Variants in MTMR7 observed in about 807,000 individuals in gnomAD.
MTMR7 encodes the protein myotubularin related protein 7, also known as phosphatidylinositol-3-phosphate phosphatase MTMR7.
A neutral mutation model predicts 81.2 loss-of-function variants in MTMR7; 76 were observed. The observed-to-expected ratio is 0.94, with a 90% confidence interval of 0.78 to 1.13. MTMR7 has a LOEUF of 1.13. Ranked by LOEUF, MTMR7 falls within the 50% of genes most tolerant of loss-of-function variation. MTMR7 has a pLI of 0.00. For synonymous variants in MTMR7, 372 were observed against 289.8 expected, an observed-to-expected ratio of 1.28 and a Z score of -2.88; for missense variants, 1,044 against 820.0, an observed-to-expected ratio of 1.27 and a Z score of -3.34.
intron 7 of MTMR7, among the ~76,000 whole-genome samples, chr8:17,319,454 C>T (rs935541887): frequency 3.3e-5 from 5 of 152,124 alleles, no homozygotes; most frequent in African/African-American, 7.2e-5. Flanking sequence ...AGTTAAGGCA[C>T]GAAGTGATCA....
intron 10 of MTMR7, 21 bp from the exon 11 acceptor site, chr8:17,305,978 G>C: frequency 6.4e-7 from 1 of 1,573,384 alleles, no homozygotes. Context: ...AAGCATTAGA[G>C]ACTTTTTAAG....
chr8:17,403,777 G>C (rs1252708088), intron 1 of MTMR7, among the ~76,000 whole-genome samples: 1 of 151,414 alleles, frequency 6.6e-6, no homozygotes, highest in Admixed American at 6.6e-5. Flanking sequence ...GCCTTTTATA[G>C]ATCTTTTACT....
At chr8:17,359,818 G>A (rs898340415) in intron 4 of MTMR7, among the ~76,000 whole-genome samples, 2 of 152,060 alleles carry the variant, frequency 1.3e-5, no homozygotes, top group African/African-American at 2.4e-5. Flanking sequence ...CTCTTTACTG[G>A]TGAGGGTATA....
chr8:17,352,936 T>G (rs1819771740), intron 4 of MTMR7, among the ~76,000 whole-genome samples: 1 of 152,144 alleles, frequency 6.6e-6, no homozygotes, highest in Admixed American at 6.6e-5. Context: ...TCCAGCAATC[T>G]CACTTCTGGA....
rs201434781 is a variant in MTMR7 at position 17,312,808 on chromosome 8, T to TA, written c.975+483dup. Reference sequence around the variant, plus strand: ...TATAAATCCAAGGTATTTATTTCTTTAAAAAAAACTGAACAACACAAAAGA... The same window carrying TA: ...TATAAATCCAAGGTATTTATTTCTTTAAAAAAAAACTGAACAACACAAAAGA... On this transcript the variant is annotated intron_variant, in intron 8 of 13. Coordinates refer to ENST00000180173, the MANE Select transcript of MTMR7 (RefSeq NM_004686.5). Among the ~76,000 whole-genome samples, 183 of 152,040 alleles carry TA rather than the reference T, an allele frequency of 1.2e-3. 1 individual carries two copies. The highest frequency in any genetic ancestry group is 9.8e-3 in the Admixed American group (150 of 15,270).
intron 10 of MTMR7, among the ~76,000 whole-genome samples, chr8:17,309,046 C>T (rs1449106370): frequency 6.6e-6 from 1 of 152,218 alleles, no homozygotes; most frequent in Non-Finnish European, 1.5e-5. Context: ...CAAGCATTCT[C>T]TGTCTCTTCT....
At chr8:17,413,184 A>T in intron 1 of MTMR7, 85 bp downstream of exon 1, 2 of 1,456,550 alleles carry the variant, frequency 1.4e-6, no homozygotes, top group East Asian at 2.5e-5. Context: ...CCCTCAAAGC[A>T]GTCGGCCTCC....
intron 4 of MTMR7, among the ~76,000 whole-genome samples, chr8:17,350,255 T>C (rs181117242): frequency 4.4e-4 from 67 of 152,324 alleles, no homozygotes; most frequent in African/African-American, 1.5e-3. Context: ...AGGGGTGTAC[T>C]AGTCCATTTT....
chr8:17,402,727 G>A (rs1821464408), intron 1 of MTMR7, among the ~76,000 whole-genome samples: 1 of 152,192 alleles, frequency 6.6e-6, no homozygotes, highest in African/African-American at 2.4e-5. Context: ...AAGCATGGGA[G>A]CACAGGTATC....
chr8:17,411,535 T>G (rs989749609), intron 1 of MTMR7, among the ~76,000 whole-genome samples: 2 of 152,206 alleles, frequency 1.3e-5, no homozygotes, highest in Non-Finnish European at 2.9e-5. Flanking sequence ...ATGAATCCGA[T>G]CCATCCAACC....
chr8:17,370,128 GTT>G (rs201807333), intron 3 of MTMR7, among the ~76,000 whole-genome samples: 3 of 141,964 alleles, frequency 2.1e-5, no homozygotes, highest in African/African-American at 5.1e-5. Context: ...ACCACATTAA[GTT>G]TTTTTTTTTT....
chr8:17,331,250 T>G lies in MTMR7; in HGVS notation c.765A>C (p.Lys255Asn), dbSNP rs753738180. Residue 255 changes from lysine (K) to asparagine (N), a missense_variant, in exon 7 of 14, where the codon AAA becomes AAC. Physicochemically the swap from Lys to Asn is moderately conservative, Grantham distance 94 (BLOSUM62 0). Coordinates refer to ENST00000180173, the MANE Select transcript of MTMR7 (RefSeq NM_004686.5). Reference protein sequence around the residue: ...LNAMANRAAGKGYENEDNYSN... With the variant: ...LNAMANRAAGNGYENEDNYSN... ...AATAATTGTCTTCATTCTCATAGCC[T>G]TTCCCTGCAGCACGATTTGCCATTG... 1 of 1,610,812 alleles carries G rather than the reference T, an allele frequency of 6.2e-7. No homozygotes were observed. Among genetic ancestry groups the G allele is most frequent in the Non-Finnish European group, 8.5e-7 (1 of 1,178,914 alleles).
At chr8:17,358,741 G>C (rs776327294) in intron 4 of MTMR7, among the ~76,000 whole-genome samples, 5 of 152,052 alleles carry the variant, frequency 3.3e-5, no homozygotes, top group Non-Finnish European at 7.4e-5. Flanking sequence ...CTACCTGTCT[G>C]TAATTTTTAA....
At chr8:17,348,813 A>G (rs1335549668) in intron 5 of MTMR7, 140 bp downstream of exon 5, 6 of 968,546 alleles carry the variant, frequency 6.2e-6, no homozygotes, top group East Asian at 2.4e-5. Context: ...GTATCATGTC[A>G]TACCATGCAC....
At chr8:17,399,210 A>G (rs1025595264) in intron 1 of MTMR7, among the ~76,000 whole-genome samples, 3 of 152,188 alleles carry the variant, frequency 2.0e-5, no homozygotes, top group African/African-American at 7.2e-5. Flanking sequence ...TTTGCAGATG[A>G]TATGATCTTA....
At chr8:17,316,001 G>C (rs1380027350) in intron 7 of MTMR7, among the ~76,000 whole-genome samples, 2 of 152,168 alleles carry the variant, frequency 1.3e-5, no homozygotes, top group African/African-American at 4.8e-5. Flanking sequence ...TGATGACAGA[G>C]CCAGATCCTA....
chr8:17,365,440 A>C (rs529688259), intron 3 of MTMR7, among the ~76,000 whole-genome samples: 1 of 152,112 alleles, frequency 6.6e-6, no homozygotes, highest in Non-Finnish European at 1.5e-5. Flanking sequence ...ATATTTGCCC[A>C]CTCTAGGAAG....
At chr8:17,324,577 T>C (rs1341299144) in intron 7 of MTMR7, among the ~76,000 whole-genome samples, 1 of 152,200 alleles carries the variant, frequency 6.6e-6, no homozygotes, top group African/African-American at 2.4e-5. Flanking sequence ...GAAATCCTCA[T>C]ACAACACCAG....
chr8:17,375,008 A>T (rs112935863), intron 1 of MTMR7, among the ~76,000 whole-genome samples: 1 of 152,108 alleles, frequency 6.6e-6, no homozygotes, highest in East Asian at 1.9e-4. Context: ...ATAACTGCTT[A>T]CAACTGGAAG....
Sources: gnomAD v4.1 joint callset for allele counts (sites outside exome capture counted in the v4.1 genomes callset) on GRCh38, gnomAD v4.1.1 for gene constraint, MANE v1.5 for transcripts, NCBI Gene and HGNC (gene_info 2026-07-23, HGNC 2026-07-21) for gene names.